MYT1L: variants seen among roughly 807,000 people sequenced by gnomAD.
MYT1L encodes the protein myelin transcription factor 1 like.
MYT1L carries 12 observed loss-of-function variants against 126.7 expected under a neutral mutation model. The ratio of observed to expected loss-of-function variants is 0.09; its 90% CI spans 0.06 to 0.15. The LOEUF is 0.15. Ranked by LOEUF, MYT1L falls within the 10% of genes least tolerant of loss-of-function variation. MYT1L has a pLI of 1.00. For missense variants in MYT1L, 979 were observed against 1,585.2 expected, an observed-to-expected ratio of 0.62 and a Z score of 6.49; for synonymous variants, 541 against 604.2, an observed-to-expected ratio of 0.90 and a Z score of 1.53.
chr2:2,122,922 C>A (rs530107740), intron 3 of MYT1L, among the ~76,000 whole-genome samples: 5 of 151,290 alleles, frequency 3.3e-5, no homozygotes, highest in African/African-American at 1.2e-4. Context: ...ACTGGATCCA[C>A]ACAGGGATTT....
intron 2 of MYT1L, among the ~76,000 whole-genome samples, chr2:2,265,814 CAAT>C (rs1361191717): frequency 1.3e-5 from 2 of 152,110 alleles, no homozygotes; most frequent in Non-Finnish European, 2.9e-5. Context: ...TTGACAATGA[CAAT>C]GATGGAAAAG....
intron 9 of MYT1L, among the ~76,000 whole-genome samples, chr2:1,933,969 A>ATTTTTT (rs920521570): frequency 8.0e-4 from 89 of 111,710 alleles, no homozygotes; most frequent in Non-Finnish European, 1.2e-3. Context: ...TCTAATTTTG[A>ATTTTTT]TTTTTTTTTT....
At chr2:2,325,340 A>G (rs2096232166) in intron 1 of MYT1L, 1 of 152,236 alleles carries the variant, frequency 6.6e-6, no homozygotes, top group Non-Finnish European at 1.5e-5. Context: ...ATTCTGTTTC[A>G]GTATGAGCTT....
intron 1 of MYT1L, among the ~76,000 whole-genome samples, chr2:2,297,108 A>C (rs1341193233): frequency 7.9e-5 from 12 of 152,194 alleles, no homozygotes; most frequent in Non-Finnish European, 1.8e-4. Flanking sequence ...CCCTGCTTCA[A>C]GGGAGGGCCA....
At chr2:1,994,007 C>T (rs958004448) in intron 5 of MYT1L, among the ~76,000 whole-genome samples, 2 of 152,186 alleles carry the variant, frequency 1.3e-5, no homozygotes, top group African/African-American at 4.8e-5. Context: ...CGGTGCTAAC[C>T]CCTTTGCCCA....
chr2:2,188,596 G>T (rs1559281517), intron 2 of MYT1L, among the ~76,000 whole-genome samples: 1 of 152,164 alleles, frequency 6.6e-6, no homozygotes, highest in South Asian at 2.1e-4. Flanking sequence ...CAGACAGACG[G>T]CATAATGAAA....
At chr2:2,069,750 A>C (rs529279249) in intron 3 of MYT1L, among the ~76,000 whole-genome samples, 51 of 151,932 alleles carry the variant, frequency 3.4e-4, no homozygotes, top group African/African-American at 1.2e-3. Flanking sequence ...CCTGACTTTT[A>C]AATGATCGCC....
chr2:2,114,480 T>C (rs1159397209), intron 3 of MYT1L, among the ~76,000 whole-genome samples: 3 of 152,224 alleles, frequency 2.0e-5, no homozygotes, highest in East Asian at 3.8e-4. Flanking sequence ...CAGTTTAAGA[T>C]AGGCTTCCTG....
At chr2:2,328,754 C>T (rs530325279) in intron 1 of MYT1L, among the ~76,000 whole-genome samples, 77 of 152,248 alleles carry the variant, frequency 5.1e-4, no homozygotes, top group African/African-American at 1.8e-3. Flanking sequence ...AATTTTCCAA[C>T]CCACAACTAT....
intron 3 of MYT1L, among the ~76,000 whole-genome samples, chr2:2,154,608 A>G (rs1025679067): frequency 2.6e-5 from 4 of 152,232 alleles, no homozygotes; most frequent in Non-Finnish European, 5.9e-5. Context: ...GTTCTCACTT[A>G]TAAGTGGGAC....
chr2:2,179,105 G>A (rs1288649951), intron 2 of MYT1L, among the ~76,000 whole-genome samples: 6 of 152,096 alleles, frequency 3.9e-5, no homozygotes, highest in Non-Finnish European at 8.8e-5. Context: ...TACTGCGAAC[G>A]AACACCCAAT....
At chr2:2,109,443 C>A (rs1445575487) in intron 3 of MYT1L, among the ~76,000 whole-genome samples, 1 of 152,118 alleles carries the variant, frequency 6.6e-6, no homozygotes, top group Admixed American at 6.5e-5. Flanking sequence ...TGAGATGAAC[C>A]AGGAAAGGGA....
chr2:2,130,520 G>A (rs2148013197), intron 3 of MYT1L, among the ~76,000 whole-genome samples: 1 of 152,244 alleles, frequency 6.6e-6, no homozygotes, highest in Middle Eastern at 3.4e-3. Context: ...AAAAGCCTGG[G>A]AACCCACATT....
chr2:1,993,047 C>G (rs1200315390), intron 5 of MYT1L, among the ~76,000 whole-genome samples: 3 of 152,212 alleles, frequency 2.0e-5, no homozygotes, highest in Middle Eastern at 3.2e-3. Flanking sequence ...ATCAGCACTC[C>G]TGGCTCACTG....
chr2:1,907,335 G>GT (rs1464544207), intron 13 of MYT1L, among the ~76,000 whole-genome samples: 2 of 152,100 alleles, frequency 1.3e-5, no homozygotes, highest in African/African-American at 4.8e-5. Context: ...GGGCGGTGTG[G>GT]TAAGAAAACA....
rs1013841096 is a variant in MYT1L at position 1,912,503 on chromosome 2, C to A, written c.1619-393G>T. On this transcript the variant is annotated intron_variant, in intron 11 of 24. Transcript: ENST00000647738. This position sits in a 1 kb window ranked among gnomAD's most constrained non-coding sequence, Gnocchi z 4.3. ...GGGCCTCACAGATATTACCCATGCA[C>A]AAGCATGGAGTATTGATTAGCCATA... Among the ~76,000 whole-genome samples, 7 of 152,130 alleles carry A rather than the reference C, an allele frequency of 4.6e-5. No individual in the cohort carries two copies. Among genetic ancestry groups the A allele is most frequent in the African/African-American group, 1.7e-4 (7 of 41,442 alleles).
At chr2:2,285,008 G>A (rs558361677) in intron 1 of MYT1L, among the ~76,000 whole-genome samples, 4 of 152,276 alleles carry the variant, frequency 2.6e-5, no homozygotes, top group South Asian at 2.1e-4. Context: ...GAGCCACTGC[G>A]CCTGGCCAAA....
At chr2:1,896,657 A>T (rs2049613145) in intron 14 of MYT1L, among the ~76,000 whole-genome samples, 1 of 152,214 alleles carries the variant, frequency 6.6e-6, no homozygotes, top group Non-Finnish European at 1.5e-5. Context: ...ACAGGGACAT[A>T]AACATGGGAA....
At chr2:2,072,372 C>T (rs1489061426) in intron 3 of MYT1L, among the ~76,000 whole-genome samples, 3 of 152,156 alleles carry the variant, frequency 2.0e-5, no homozygotes, top group Non-Finnish European at 4.4e-5. Context: ...CTAAAGTTAT[C>T]TACTAGAAAG....
Sources: gnomAD v4.1 joint callset for allele counts (sites outside exome capture counted in the v4.1 genomes callset) on GRCh38, gnomAD v4.1.1 for gene constraint, Gnocchi (gnomAD v3.1) non-coding constraint, MANE v1.5 for transcripts, NCBI Gene and HGNC (gene_info 2026-07-23, HGNC 2026-07-21) for gene names.